Variants in SGK3 observed in about 807,000 individuals in gnomAD.
SGK3 encodes serine/threonine-protein kinase Sgk3.
SGK3 carries 47 observed loss-of-function variants against 68.5 expected under a neutral mutation model. The ratio of observed to expected loss-of-function variants is 0.69; its 90% CI spans 0.54 to 0.87. The LOEUF (loss-of-function observed/expected upper bound fraction) is 0.87, where lower values mean the gene tolerates loss of function less well. SGK3 is among the 40% of genes least tolerant of loss of function. The pLI is 0.00. For missense variants in SGK3, 479 were observed against 575.5 expected (o/e 0.83, Z 1.72); for synonymous variants, 181 against 189.1 (o/e 0.96, Z 0.35).
At chr8:66,750,093 G>C (rs1331381848) in intron 1 of SGK3, among the ~76,000 whole-genome samples, 1 of 151,960 alleles carries the variant, frequency 6.6e-6, no homozygotes. Flanking sequence ...TCTACTATAT[G>C]GAAGTAACAT....
chr8:66,786,746 T>C (rs754490431), intron 1 of SGK3, among the ~76,000 whole-genome samples: 16 of 152,254 alleles, frequency 1.1e-4, no homozygotes, highest in Admixed American at 6.5e-4. Flanking sequence ...CTTTCAAACA[T>C]CTGCTTCCAT....
chr8:66,791,578 T>C (rs1419125128), intron 1 of SGK3, among the ~76,000 whole-genome samples: 1 of 152,222 alleles, frequency 6.6e-6, no homozygotes, highest in African/African-American at 2.4e-5. Context: ...TTTAATGTGC[T>C]ATCTTACTGT....
chr8:66,756,379 A>G (rs73691581), intron 1 of SGK3, among the ~76,000 whole-genome samples: 3,143 of 152,190 alleles, frequency 0.021, 109 homozygotes, highest in African/African-American at 0.07. Flanking sequence ...GAGTAAAAAA[A>G]AATGTATGAA....
In SGK3 at chr8:66,756,118, G is replaced by C. The variant is rs193027989; in HGVS notation, c.-121-37498G>C. On this transcript the variant is annotated intron_variant, in intron 1 of 16. Transcript: ENST00000521198. The stretch of plus-strand genomic sequence containing the variant: ...TATGACCATTGTTCTTATAAGAAGA[G>C]GAAATTTGGACTTAGCTACGTACAC... Among the ~76,000 whole-genome samples, 28 of 152,206 alleles carry C rather than the reference G, an allele frequency of 1.8e-4. No homozygotes were observed. In the East Asian group the frequency reaches 5.0e-3, roughly 27 times the overall value.
chr8:66,855,035 C>T (rs1810453605), intron 16 of SGK3, among the ~76,000 whole-genome samples: 1 of 152,112 alleles, frequency 6.6e-6, no homozygotes, highest in African/African-American at 2.4e-5. Flanking sequence ...TGGTGGCACG[C>T]ACCTGTGGTC....
intron 1 of SGK3, among the ~76,000 whole-genome samples, chr8:66,739,584 C>T (rs879257693): frequency 8.6e-5 from 13 of 151,970 alleles, no homozygotes; most frequent in South Asian, 4.2e-4. Context: ...TTAGTAAAGA[C>T]GGGGTTTCAC....
chr8:66,813,800 A>T (rs1808474228), intron 4 of SGK3, 53 bp from the exon 5 acceptor site: 1 of 1,438,468 alleles, frequency 7.0e-7, no homozygotes, highest in East Asian at 2.5e-5. Flanking sequence ...ACTGTTGATG[A>T]TAATTGCATA....
chr8:66,810,436 C>T (rs1034535525), intron 4 of SGK3, among the ~76,000 whole-genome samples: 4 of 152,222 alleles, frequency 2.6e-5, no homozygotes, highest in Non-Finnish European at 5.9e-5. Flanking sequence ...AGCGGTGGCT[C>T]ACGCCTGTAA....
chr8:66,732,925 C>A (rs1805210972), intron 1 of SGK3, among the ~76,000 whole-genome samples: 1 of 152,060 alleles, frequency 6.6e-6, no homozygotes, highest in Non-Finnish European at 1.5e-5. Context: ...TTTCAAACTG[C>A]ACTTGTAGTT....
chr8:66,810,923 T>A (rs1387656971), intron 4 of SGK3, among the ~76,000 whole-genome samples: 1 of 152,204 alleles, frequency 6.6e-6, no homozygotes, highest in Non-Finnish European at 1.5e-5. Flanking sequence ...AGGCTGATTT[T>A]AAGAATGATC....
chr8:66,731,260 TA>T (rs1563599011), intron 1 of SGK3, among the ~76,000 whole-genome samples: 2 of 152,202 alleles, frequency 1.3e-5, no homozygotes, highest in African/African-American at 4.8e-5. Context: ...TCTGCTGCTT[TA>T]GGTGGAATGT....
chr8:66,746,620 CA>C (rs1563607044), intron 1 of SGK3, among the ~76,000 whole-genome samples: 2 of 152,014 alleles, frequency 1.3e-5, no homozygotes, highest in Non-Finnish European at 2.9e-5. Context: ...GTAGCATAAT[CA>C]TAGTTCACTG....
chr8:66,747,107 C>T (rs73691570), intron 1 of SGK3, among the ~76,000 whole-genome samples: 3,102 of 151,536 alleles, frequency 0.02, 107 homozygotes, highest in African/African-American at 0.07. Context: ...TAGATTTTGA[C>T]AGGCTAGTGT....
chr8:66,755,463 A>G (rs1157038191), intron 1 of SGK3, among the ~76,000 whole-genome samples: 1 of 152,204 alleles, frequency 6.6e-6, no homozygotes, highest in Non-Finnish European at 1.5e-5. Context: ...CACTTGTGGC[A>G]TCATGTAGAC....
intron 1 of SGK3, among the ~76,000 whole-genome samples, chr8:66,728,659 T>C (rs987565038): frequency 4.6e-5 from 7 of 152,084 alleles, no homozygotes; most frequent in East Asian, 3.9e-4. Flanking sequence ...TATCCTGCTG[T>C]TGGGATGCCA....
chr8:66,762,573 A>AT (rs1306829384), intron 1 of SGK3, among the ~76,000 whole-genome samples: 7 of 151,832 alleles, frequency 4.6e-5, no homozygotes, highest in South Asian at 2.1e-4. Flanking sequence ...AAACCCACTG[A>AT]TTTTTTTCTT....
intron 1 of SGK3, among the ~76,000 whole-genome samples, chr8:66,746,119 T>C (rs1316899662): frequency 6.6e-6 from 1 of 152,186 alleles, no homozygotes; most frequent in Non-Finnish European, 1.5e-5. Flanking sequence ...CAGCCTCTTA[T>C]CTCTTGCCCA....
intron 14 of SGK3, among the ~76,000 whole-genome samples, chr8:66,845,594 C>T (rs1014707071): frequency 3.9e-5 from 6 of 152,040 alleles, no homozygotes; most frequent in African/African-American, 1.4e-4. Flanking sequence ...AGAATGATCA[C>T]GACTCACTGC....
At chr8:66,811,329 T>A (rs757837747) in intron 4 of SGK3, among the ~76,000 whole-genome samples, 3 of 152,208 alleles carry the variant, frequency 2.0e-5, no homozygotes, top group Non-Finnish European at 4.4e-5. Flanking sequence ...TTTTAAAATT[T>A]CTAATTGAAA....
Sources: allele counts gnomAD v4.1 joint callset (sites outside exome capture counted in the v4.1 genomes callset), GRCh38; gene constraint gnomAD v4.1.1; transcripts MANE v1.5; gene names NCBI Gene and HGNC (gene_info 2026-07-23, HGNC 2026-07-21).